Variants in UBE3C observed in about 807,000 individuals in gnomAD.
UBE3C encodes the protein ubiquitin protein ligase E3C.
A neutral mutation model predicts 129.4 loss-of-function variants in UBE3C; 42 were observed. That is an observed-to-expected ratio of 0.32 (90% CI 0.25 to 0.42). The LOEUF (loss-of-function observed/expected upper bound fraction) is 0.42. Among genes scored for constraint, UBE3C ranks in the 10% least tolerant of loss-of-function variants. The pLI is 1.00. For synonymous variants in UBE3C, 510 were observed against 492.4 expected, an observed-to-expected ratio of 1.04 and a Z score of -0.47; for missense variants, 1,049 against 1,319.1, an observed-to-expected ratio of 0.80 and a Z score of 3.17.
At chr7:157,223,082 C>T in intron 15 of UBE3C, 172 bp from the exon 16 acceptor site, 1 of 631,660 alleles carries the variant, frequency 1.6e-6, no homozygotes, top group Non-Finnish European at 2.9e-6. Flanking sequence ...TGTGCTGATC[C>T]TGCACTGTGC....
intron 14 of UBE3C, 35 bp downstream of exon 14, chr7:157,217,006 A>T: frequency 6.7e-7 from 1 of 1,498,412 alleles, no homozygotes; most frequent in South Asian, 1.2e-5. Context: ...ATTTATCATT[A>T]AAAAATACAT....
In UBE3C at chr7:157,181,674, G is replaced by A; in HGVS notation, c.770+3G>A. On this transcript the variant is annotated splice_donor_region_variant and intron_variant, in intron 7 of 22. Transcript: ENST00000348165. ...AACTCCTGTCCGGAAGGTGCGAGGTGAGACTGGAATGGATTTATTGATTTT... is the reference window on the plus strand; with the variant it reads ...AACTCCTGTCCGGAAGGTGCGAGGTAAGACTGGAATGGATTTATTGATTTT... 1.2e-6 allele frequency: 2 copies of A among 1,612,754 alleles called. No individual in the cohort carries two copies. The highest frequency in any genetic ancestry group is 1.7e-6 in the Non-Finnish European group (2 of 1,179,690).
At chr7:157,163,912 A>G in intron 2 of UBE3C, 49 bp downstream of exon 2, 1 of 1,563,100 alleles carries the variant, frequency 6.4e-7, no homozygotes, top group Non-Finnish European at 8.8e-7. Context: ...TTTCTACAGC[A>G]TTTAAACATG....
chr7:157,161,076 T>C (rs1808056159), intron 1 of UBE3C, among the ~76,000 whole-genome samples: 1 of 152,134 alleles, frequency 6.6e-6, no homozygotes, highest in Non-Finnish European at 1.5e-5. Flanking sequence ...AGTACCTAAA[T>C]ATAATGTGGG....
chr7:157,227,806 T>TA (rs1795921345), intron 17 of UBE3C, among the ~76,000 whole-genome samples: 1 of 152,228 alleles, frequency 6.6e-6, no homozygotes, highest in Non-Finnish European at 1.5e-5. Flanking sequence ...TAAAAATTGT[T>TA]AAAAAACTGA....
chr7:157,220,438 A>G (rs1795706435), intron 14 of UBE3C, among the ~76,000 whole-genome samples: 1 of 152,264 alleles, frequency 6.6e-6, no homozygotes. Context: ...ATTATGCACC[A>G]TCAAATAAAA....
At chr7:157,241,645 G>A (rs766952310) in intron 18 of UBE3C, among the ~76,000 whole-genome samples, 5 of 152,224 alleles carry the variant, frequency 3.3e-5, no homozygotes, top group Non-Finnish European at 5.9e-5. Context: ...GAAAAGTTTA[G>A]CAGTTCCTCA....
chr7:157,154,002 G>A (rs1807833025), intron 1 of UBE3C, among the ~76,000 whole-genome samples: 1 of 150,996 alleles, frequency 6.6e-6, no homozygotes, highest in Non-Finnish European at 1.5e-5. Context: ...GTCTGGGGGG[G>A]GAAAAGTTAA....
intron 14 of UBE3C, 56 bp from the exon 15 acceptor site, chr7:157,220,633 G>A (rs1795711922): frequency 1.2e-6 from 2 of 1,605,126 alleles, no homozygotes; most frequent in Non-Finnish European, 1.7e-6. Flanking sequence ...AGTGTGATCA[G>A]GTCAAAGTGT....
At position 157,254,146 on chromosome 7, in the gene UBE3C, C is replaced by A; in HGVS notation, c.2883+4C>A. The stretch of plus-strand genomic sequence containing the variant: ...GTTTGATCAGCAAGAAATTCAGGTA[C>A]CCTACCTGCTGACTTTCTGGGACAC... On this transcript the variant is annotated splice_donor_region_variant and intron_variant, in intron 20 of 22. Coordinates refer to ENST00000348165, the MANE Select transcript of UBE3C (RefSeq NM_014671.3). The A allele has an allele frequency of 6.2e-7, 1 of 1,610,830 alleles. No homozygotes were observed. Among genetic ancestry groups the A allele is most frequent in the Non-Finnish European group, 8.5e-7 (1 of 1,178,080 alleles).
At chr7:157,250,780 C>G (rs532828046) in intron 19 of UBE3C, among the ~76,000 whole-genome samples, 7 of 152,340 alleles carry the variant, frequency 4.6e-5, no homozygotes, top group African/African-American at 1.7e-4. Context: ...AGTGATGTCG[C>G]TTGCTGCTAG....
rs766901304 is a variant in UBE3C at position 157,207,441 on chromosome 7, A to C, written c.1462A>C (p.Met488Leu). 1 of 1,613,864 alleles carries C rather than the reference A, an allele frequency of 6.2e-7. No homozygotes were observed. Among genetic ancestry groups the C allele is most frequent in the South Asian group, 1.1e-5 (1 of 91,026 alleles). ...LLQVISRGSPMSFEDSSRIIP... is the reference protein window; with the variant it reads ...LLQVISRGSPLSFEDSSRIIP... ...TCAGGTGATATCCAGGGGTTCTCCT[A>C]TGTCTTTTGAAGATTCTAGTCGAAT... The change falls in exon 12 of 23, where the codon ATG becomes CTG. Residue 488 changes from methionine to leucine, a missense_variant. Coordinates refer to ENST00000348165, the MANE Select transcript of UBE3C (RefSeq NM_014671.3).
chr7:157,235,674 T>TTA (rs1344807338), intron 18 of UBE3C, among the ~76,000 whole-genome samples: 2 of 152,242 alleles, frequency 1.3e-5, no homozygotes, highest in Admixed American at 6.5e-5. Context: ...TTATATCTTA[T>TTA]TAAGGCTGTT....
At chr7:157,177,594 C>G (rs1808553952) in intron 5 of UBE3C, among the ~76,000 whole-genome samples, 1 of 152,360 alleles carries the variant, frequency 6.6e-6, no homozygotes, top group South Asian at 2.1e-4. Flanking sequence ...CCCGCTCCTC[C>G]TGCACTCGTA....
chr7:157,229,491 G>T (rs1036902708), intron 17 of UBE3C, among the ~76,000 whole-genome samples: 1 of 151,744 alleles, frequency 6.6e-6, no homozygotes, highest in Non-Finnish European at 1.5e-5. Context: ...ATTTTTTTTT[G>T]TATTTAGTAG....
rs1455051622 is a variant in UBE3C, at chr7:157,182,024, G to A, written c.771-84G>A. 5.2e-6 allele frequency: 7 copies of A among 1,339,840 alleles called. No individual in the cohort carries two copies. In the South Asian group the frequency reaches 7.6e-5, roughly 15 times the overall value. The allele number at this position is 1,339,840 out of a possible 1,614,324, so 83.0% of individuals were successfully genotyped here. On this transcript the variant is annotated intron_variant, in intron 7 of 22. Coordinates refer to ENST00000348165, the MANE Select transcript of UBE3C (RefSeq NM_014671.3). ...GAAGAGTAGATTATCCTTTTAGAAG[G>A]ATATTTTGAAAGGTGATTTTAATCA... is the stretch of plus-strand genomic sequence containing the variant.
In UBE3C at chr7:157,248,371, C is replaced by G. The variant is rs781237354; in HGVS notation, c.2485C>G (p.Leu829Val). The change falls in exon 19 of 23, where the codon CTC (leucine) becomes GTC (valine). Residue 829 changes from leucine (L) to valine (V), a missense_variant. Transcript: ENST00000348165. ...YFLGRMLGKA[L>V]YENMLVELPF... ...TTGTCACTGTTCTCTTTTGAAGGCTCTCTATGAGAACATGCTGGTGGAGCT... is the reference window on the plus strand; with the variant it reads ...TTGTCACTGTTCTCTTTTGAAGGCTGTCTATGAGAACATGCTGGTGGAGCT... 4.3e-6 allele frequency: 7 copies of G among 1,613,008 alleles called. No homozygotes were observed. Among genetic ancestry groups the G allele is most frequent in the African/African-American group, 2.7e-5 (2 of 74,902 alleles).
intron 10 of UBE3C, among the ~76,000 whole-genome samples, chr7:157,200,930 A>T (rs141586362): frequency 2.0e-5 from 3 of 152,220 alleles, no homozygotes; most frequent in East Asian, 3.9e-4. Context: ...AATCTTTAAG[A>T]TACATTTTTT....
At chr7:157,166,937 TGG>T in intron 2 of UBE3C, among the ~76,000 whole-genome samples, 2 of 137,800 alleles carry the variant, frequency 1.5e-5, no homozygotes, top group African/African-American at 3.1e-5. Flanking sequence ...GTGGTGGTGG[TGG>T]TGGTTTTTGA....
Sources: allele counts gnomAD v4.1 joint callset (sites outside exome capture counted in the v4.1 genomes callset), GRCh38; gene constraint gnomAD v4.1.1; transcripts MANE v1.5; gene names NCBI Gene and HGNC (gene_info 2026-07-23, HGNC 2026-07-21).